Variants in UBAP2L observed in about 807,000 individuals in gnomAD.
UBAP2L encodes ubiquitin-associated protein 2-like.
Under a neutral mutation model 130.6 loss-of-function variants are expected in UBAP2L, and 12 were observed. That is an observed-to-expected ratio of 0.09 (90% CI 0.06 to 0.15). The LOEUF (loss-of-function observed/expected upper bound fraction) is 0.15, where lower values mean the gene tolerates loss of function less well. UBAP2L is among the 10% of genes least tolerant of loss of function. The pLI, the probability that UBAP2L is intolerant of heterozygous loss-of-function variation, is 1.00. For missense variants in UBAP2L, 965 were observed against 1,332.5 expected (o/e 0.72, Z 4.29); for synonymous variants, 503 against 524.7 (o/e 0.96, Z 0.57).
intron 11 of UBAP2L, 135 bp downstream of exon 11, chr1:154,246,510 AG>A (rs748595735): frequency 2.6e-5 from 26 of 1,014,644 alleles, no homozygotes; most frequent in Non-Finnish European, 3.2e-5. Context: ...ACTTGGTTGT[AG>A]AAATGTTTGA....
chr1:154,241,479 G>T, intron 8 of UBAP2L, 34 bp from the exon 9 acceptor site: 7 of 1,605,958 alleles, frequency 4.4e-6, no homozygotes, highest in Non-Finnish European at 6.0e-6. Flanking sequence ...GCATTTAATA[G>T]TGAAGTTACT....
chr1:154,231,068 A>G (rs865810175), intron 4 of UBAP2L, among the ~76,000 whole-genome samples: 1 of 152,174 alleles, frequency 6.6e-6, no homozygotes, highest in Non-Finnish European at 1.5e-5. Context: ...ACTGTAATGT[A>G]TAATAGGCTT....
At chr1:154,233,416 C>T (rs1420395128) in intron 4 of UBAP2L, among the ~76,000 whole-genome samples, 1 of 151,942 alleles carries the variant, frequency 6.6e-6, no homozygotes, top group Non-Finnish European at 1.5e-5. Flanking sequence ...CCTCCACCTC[C>T]CAGGTTCAAG....
intron 12 of UBAP2L, 71 bp from the exon 13 acceptor site, chr1:154,250,970 G>T: frequency 6.7e-7 from 1 of 1,485,268 alleles, no homozygotes; most frequent in Non-Finnish European, 9.1e-7. Flanking sequence ...CATGGTGCTA[G>T]TGCAGGACAA....
chr1:154,270,685 A>AAAC lies in UBAP2L; in HGVS notation c.*405_*407dup, dbSNP rs373050667. On this transcript the variant is annotated 3_prime_UTR_variant, in exon 27 of 27. Coordinates refer to ENST00000428931, the MANE Select transcript of UBAP2L (RefSeq NM_014847.4). ...TAAGTCTCCTTCTTTATTATTAGGA[A>AAAC]AACAACAACAACAACAAACAAAAAA... 10 of 1,413,150 alleles carry AAAC rather than the reference A, an allele frequency of 7.1e-6. No individual in the cohort carries two copies. Among genetic ancestry groups the AAAC allele is most frequent in the Admixed American group, 6.0e-5 (2 of 33,082 alleles). 87.5% of individuals were successfully genotyped at this position (1,413,150 alleles called of 1,614,324 possible).
chr1:154,260,067 A>G (rs1429499403), intron 22 of UBAP2L, 38 bp downstream of exon 22: 1 of 1,599,850 alleles, frequency 6.3e-7, no homozygotes, highest in Admixed American at 1.7e-5. Context: ...AAAAAGGGAG[A>G]TAGTGTTGGG....
chr1:154,228,753 C>T (rs1668808227), intron 4 of UBAP2L, 28 bp downstream of exon 4: 3 of 1,537,772 alleles, frequency 2.0e-6, no homozygotes, highest in Non-Finnish European at 2.7e-6. Context: ...TGTTCTAGGA[C>T]ATGGGTCCTC....
intron 24 of UBAP2L, chr1:154,262,997 A>C: frequency 9.2e-7 from 1 of 1,091,702 alleles, no homozygotes; most frequent in Non-Finnish European, 1.3e-6. Flanking sequence ...CTCCCTTCAG[A>C]ATTCAGAAAC....
chr1:154,255,299 C>T lies in UBAP2L; in HGVS notation c.2057C>T (p.Pro686Leu), dbSNP rs78529020. 1.9e-6 allele frequency: 3 copies of T among 1,614,096 alleles called. No individual in the cohort carries two copies. ...GGCTTGAGCCACAGTGAGGAGATTCCAAATACTACCACCACACAACACAGC... is the reference window on the plus strand; with the variant it reads ...GGCTTGAGCCACAGTGAGGAGATTCTAAATACTACCACCACACAACACAGC... ...LGGLSHSEEI[P>L]NTTTTQHSST... Residue 686 changes from proline to leucine, a missense_variant, in exon 17 of 27, where the codon CCA (proline) becomes CTA (leucine). Coordinates refer to ENST00000428931, the MANE Select transcript of UBAP2L (RefSeq NM_014847.4).
chr1:154,254,921 A>G lies in UBAP2L; in HGVS notation c.1909+31A>G, dbSNP rs137955525. The G allele has an allele frequency of 3.8e-4, 609 of 1,582,912 alleles. 5 individuals carry two copies. In the African/African-American group the frequency reaches 7.1e-3, roughly 18 times the overall value. ...TGTTCTTCAGGCTTTTCCCCTCCTAAGTTTCTGGTTTTCTATCTTAAAATG... is the reference window on the plus strand; with the variant it reads ...TGTTCTTCAGGCTTTTCCCCTCCTAGGTTTCTGGTTTTCTATCTTAAAATG... On this transcript the variant is annotated intron_variant, in intron 16 of 26. Transcript: ENST00000428931.
chr1:154,265,645 A>G (rs1478181335), intron 24 of UBAP2L, among the ~76,000 whole-genome samples: 1 of 152,132 alleles, frequency 6.6e-6, no homozygotes, highest in Non-Finnish European at 1.5e-5. Context: ...TTTGAGGAGT[A>G]CAAATTAGAA....
At chr1:154,232,429 T>C (rs1239240441) in intron 4 of UBAP2L, among the ~76,000 whole-genome samples, 1 of 152,222 alleles carries the variant, frequency 6.6e-6, no homozygotes, top group East Asian at 1.9e-4. Context: ...TATGCATTTT[T>C]TTAAAAACTT....
intron 4 of UBAP2L, 81 bp downstream of exon 4, chr1:154,228,806 A>G: frequency 9.3e-7 from 1 of 1,073,298 alleles, no homozygotes; most frequent in Non-Finnish European, 1.4e-6. Flanking sequence ...AAATGGCAAC[A>G]TACCTTAAAG....
At chr1:154,250,885 G>C (rs1163782749) in intron 12 of UBAP2L, among the ~76,000 whole-genome samples, 156 bp from the exon 13 acceptor site, 1 of 148,746 alleles carries the variant, frequency 6.7e-6, no homozygotes, top group South Asian at 2.1e-4. Flanking sequence ...TCCAGTGATT[G>C]TCACCTATAG....
At chr1:154,235,419 CAT>C (rs1401327637) in intron 6 of UBAP2L, 128 bp downstream of exon 6, 2 of 583,316 alleles carry the variant, frequency 3.4e-6, no homozygotes, top group Non-Finnish European at 6.1e-6. Flanking sequence ...GTGGCACAGT[CAT>C]AGCTCACTGC....
At chr1:154,247,097 C>A (rs542270002) in intron 11 of UBAP2L, among the ~76,000 whole-genome samples, 1 of 152,232 alleles carries the variant, frequency 6.6e-6, no homozygotes, top group Admixed American at 6.5e-5. Context: ...ACTGCTTTTT[C>A]TTTTTTTCTC....
chr1:154,250,941 G>T, intron 12 of UBAP2L, 100 bp from the exon 13 acceptor site: 3 of 1,299,472 alleles, frequency 2.3e-6, no homozygotes, highest in Non-Finnish European at 3.1e-6. Context: ...ATGAGTTTCT[G>T]ATTTTTACAG....
intron 24 of UBAP2L, among the ~76,000 whole-genome samples, chr1:154,261,994 T>C (rs1476604498): frequency 6.6e-6 from 1 of 152,116 alleles, no homozygotes; most frequent in African/African-American, 2.4e-5. Flanking sequence ...GCCCCAAGAT[T>C]TTGCTGAAAT....
Position 154,264,856 on chromosome 1 carries a change from C to G in UBAP2L, c.2903-1645C>G, listed in dbSNP as rs116402457. Among the ~76,000 whole-genome samples the G allele has an allele frequency of 5.7e-3, 868 of 152,220 alleles. 11 individuals carry two copies. Among genetic ancestry groups the G allele is most frequent in the Middle Eastern group, 0.027 (8 of 294 alleles). On this transcript the variant is annotated intron_variant, in intron 24 of 26. Coordinates refer to ENST00000428931, the MANE Select transcript of UBAP2L (RefSeq NM_014847.4). ...GTTTATTCCACCTTTACTCTCCACC[C>G]TTCCACATGAACTTACTAGCTTAAG... is the stretch of plus-strand genomic sequence containing the variant.
Sources: gnomAD v4.1 joint callset for allele counts (sites outside exome capture counted in the v4.1 genomes callset) on GRCh38, gnomAD v4.1.1 for gene constraint, MANE v1.5 for transcripts, NCBI Gene and HGNC (gene_info 2026-07-23, HGNC 2026-07-21) for gene names.